The following KCNIP3 variants were observed in gnomAD, a reference collection of about 807,000 sequenced individuals.
KCNIP3 encodes the protein potassium voltage-gated channel interacting protein 3, also known as calsenilin.
KCNIP3 carries 28 observed loss-of-function variants against 35.0 expected under a neutral mutation model. That is an observed-to-expected ratio of 0.80 (90% confidence interval 0.59 to 1.10). KCNIP3 has a LOEUF of 1.10. KCNIP3 is among the 50% of genes least tolerant of loss of function. The pLI is 0.00. For synonymous variants in KCNIP3, 134 were observed against 133.8 expected (o/e 1.00, Z -0.01); for missense variants, 295 against 338.4 (o/e 0.87, Z 1.01).
chr2:95,325,860 C>T (rs1157897757), intron 2 of KCNIP3, among the ~76,000 whole-genome samples: 10 of 9,468 alleles, frequency 1.1e-3, no homozygotes, highest in African/African-American at 3.5e-3. Context: ...CATACACTCA[C>T]AGGCACACAT....
chr2:95,299,291 C>T (rs1459794259), intron 1 of KCNIP3, among the ~76,000 whole-genome samples: 3 of 152,162 alleles, frequency 2.0e-5, no homozygotes, highest in African/African-American at 7.2e-5. Context: ...GACAGTGGTC[C>T]TAGGAGAAGC....
chr2:95,335,565 A>G (rs1173123851), intron 2 of KCNIP3, among the ~76,000 whole-genome samples: 8 of 152,158 alleles, frequency 5.3e-5, no homozygotes, highest in Non-Finnish European at 1.2e-4. Flanking sequence ...ACATGTCAGA[A>G]TCTCCACACC....
chr2:95,341,575 T>G (rs1679196316), intron 2 of KCNIP3, among the ~76,000 whole-genome samples: 2 of 152,094 alleles, frequency 1.3e-5, no homozygotes, highest in South Asian at 4.2e-4. Context: ...TGCTTTCATA[T>G]CCATAGCCCA....
At chr2:95,373,724 G>T (rs1216053283) in intron 2 of KCNIP3, among the ~76,000 whole-genome samples, 2 of 152,168 alleles carry the variant, frequency 1.3e-5, no homozygotes, top group Non-Finnish European at 2.9e-5. Context: ...TGCCAAGTTT[G>T]TGTATTGTTT....
intron 1 of KCNIP3, among the ~76,000 whole-genome samples, chr2:95,304,979 C>T (rs921529082): frequency 1.3e-5 from 2 of 152,182 alleles, no homozygotes; most frequent in African/African-American, 4.8e-5. Flanking sequence ...TTTGAGAAGG[C>T]TGCAGGTCCC....
At chr2:95,309,110 G>A (rs1487767513) in intron 1 of KCNIP3, among the ~76,000 whole-genome samples, 1 of 152,146 alleles carries the variant, frequency 6.6e-6, no homozygotes, top group African/African-American at 2.4e-5. Flanking sequence ...GAGGGCCATT[G>A]GTGGGCTGTG....
chr2:95,325,617 A>C (rs1454660789), intron 2 of KCNIP3, among the ~76,000 whole-genome samples: 1 of 151,484 alleles, frequency 6.6e-6, no homozygotes, highest in Non-Finnish European at 1.5e-5. Context: ...ACACACGTAC[A>C]CACACACACT....
At chr2:95,361,398 G>T (rs570970098) in intron 2 of KCNIP3, among the ~76,000 whole-genome samples, 12 of 152,178 alleles carry the variant, frequency 7.9e-5, no homozygotes, top group Non-Finnish European at 1.3e-4. Context: ...ACGTCACTGT[G>T]ACACCCTGTG....
At position 95,374,856 on chromosome 2, in the gene KCNIP3, C is replaced by T. The variant is rs1680134516; in HGVS notation, c.315C>T (p.Pro105=). The T allele has an allele frequency of 6.2e-7, 1 of 1,613,814 alleles. No individual in the cohort carries two copies. Among genetic ancestry groups the T allele is most frequent in the East Asian group, 2.2e-5 (1 of 44,874 alleles). ...SLYRGFKNEC[P]TGLVDEDTFK... ...GTGCCTTCCTGCTGCAGGAGTGTCC[C>T]ACGGGCCTGGTGGACGAAGACACCT... Residue 105 remains proline, a synonymous_variant, in exon 4 of 9, where the codon CCC becomes CCT. Transcript: ENST00000295225.
chr2:95,337,201 C>A (rs1303458802), intron 2 of KCNIP3, among the ~76,000 whole-genome samples: 1 of 152,088 alleles, frequency 6.6e-6, no homozygotes, highest in African/African-American at 2.4e-5. Context: ...AGAATATACT[C>A]AAGGATAAAG....
chr2:95,318,420 T>C (rs549031691), intron 2 of KCNIP3, among the ~76,000 whole-genome samples: 1 of 152,348 alleles, frequency 6.6e-6, no homozygotes, highest in Non-Finnish European at 1.5e-5. Context: ...AGGTGTGTAT[T>C]AAGACCTCTA....
At chr2:95,383,139 AT>A in intron 7 of KCNIP3, 92 bp from the exon 8 acceptor site, 7 of 235,850 alleles carry the variant, frequency 3.0e-5, no homozygotes, top group East Asian at 1.4e-4. Context: ...CCACCCGCCC[AT>A]CCACCCACCC....
At chr2:95,373,585 G>T (rs2104298824) in intron 2 of KCNIP3, among the ~76,000 whole-genome samples, 1 of 152,142 alleles carries the variant, frequency 6.6e-6, no homozygotes, top group African/African-American at 2.4e-5. Flanking sequence ...ACCATGCCTG[G>T]CTAATTTTTT....
rs1271272147 is a variant in KCNIP3 at position 95,336,371 on chromosome 2, T to G, written c.181+25851T>G. 2.6e-5 allele frequency among the ~76,000 whole-genome samples: 4 copies of G among 152,256 alleles called. No individual in the cohort carries two copies. In the South Asian group the frequency reaches 8.3e-4, roughly 31 times the overall value. On this transcript the variant is annotated intron_variant, in intron 2 of 8. Coordinates refer to ENST00000295225, the MANE Select transcript of KCNIP3 (RefSeq NM_013434.5). ...AGTCATAGTGGTTCCACGTCTCTGATCAAGCCTTCAATGATACAAGATCCA... is the reference window on the plus strand; with the variant it reads ...AGTCATAGTGGTTCCACGTCTCTGAGCAAGCCTTCAATGATACAAGATCCA...
chr2:95,380,420 T>C (rs1680307977), intron 5 of KCNIP3, among the ~76,000 whole-genome samples: 1 of 152,224 alleles, frequency 6.6e-6, no homozygotes, highest in Non-Finnish European at 1.5e-5. Context: ...CTCGGGGCCT[T>C]GGTGCATGGC....
rs755537085 is a variant in KCNIP3, at chr2:95,384,091, C to A, written c.*42C>A. 3 of 1,590,454 alleles carry A rather than the reference C, an allele frequency of 1.9e-6. No individual in the cohort carries two copies. The highest frequency in any genetic ancestry group is 1.1e-5 in the South Asian group (1 of 90,452). The stretch of plus-strand genomic sequence containing the variant: ...TGCATGGCCACAGCCACCTCCACCC[C>A]CAAGAAACCTCCATCCTGCCAGGAG... On this transcript the variant is annotated 3_prime_UTR_variant, in exon 9 of 9. Coordinates refer to ENST00000295225, the MANE Select transcript of KCNIP3 (RefSeq NM_013434.5).
intron 8 of KCNIP3, among the ~76,000 whole-genome samples, chr2:95,383,514 C>A (rs971609604): frequency 2.8e-5 from 4 of 142,240 alleles, no homozygotes; most frequent in African/African-American, 7.5e-5. Flanking sequence ...CCCACAGCAT[C>A]CCCCCACTAC....
intron 5 of KCNIP3, among the ~76,000 whole-genome samples, chr2:95,380,702 C>T (rs1182695926): frequency 1.3e-5 from 2 of 152,184 alleles, no homozygotes; most frequent in Non-Finnish European, 2.9e-5. Flanking sequence ...CACAGCATGT[C>T]ATGACTCAAG....
At chr2:95,375,053 G>A (rs1680145615) in intron 4 of KCNIP3, 85 bp from the exon 5 acceptor site, 37 of 1,522,448 alleles carry the variant, frequency 2.4e-5, no homozygotes, top group Non-Finnish European at 3.0e-5. Flanking sequence ...GACGCAGTTA[G>A]CACCCTCAGC....
Sources: allele counts gnomAD v4.1 joint callset (sites outside exome capture counted in the v4.1 genomes callset), GRCh38; gene constraint gnomAD v4.1.1; transcripts MANE v1.5; gene names NCBI Gene and HGNC (gene_info 2026-07-23, HGNC 2026-07-21).